SLC2A13: variants seen among roughly 807,000 people sequenced by gnomAD.
SLC2A13 encodes the protein solute carrier family 2 member 13, also known as proton myo-inositol cotransporter.
A neutral mutation model predicts 64.4 loss-of-function variants in SLC2A13; 32 were observed. The observed-to-expected ratio is 0.50, with a 90% CI of 0.37 to 0.67. The LOEUF (loss-of-function observed/expected upper bound fraction) is 0.67, where lower values mean the gene tolerates loss of function less well. Ranked by LOEUF, SLC2A13 falls within the 30% of genes least tolerant of loss-of-function variation. SLC2A13 has a pLI of 0.00. For missense variants in SLC2A13, 743 were observed against 829.2 expected, an observed-to-expected ratio of 0.90 and a Z score of 1.28; for synonymous variants, 338 against 327.1, an observed-to-expected ratio of 1.03 and a Z score of -0.36.
At chr12:40,104,799 A>T (rs1939249997) in intron 1 of SLC2A13, among the ~76,000 whole-genome samples, 1 of 152,202 alleles carries the variant, frequency 6.6e-6, no homozygotes. Context: ...TAACTTGACG[A>T]TGGTCTAGGT....
At chr12:40,043,125 T>C (rs1042454622) in intron 2 of SLC2A13, among the ~76,000 whole-genome samples, 1 of 152,120 alleles carries the variant, frequency 6.6e-6, no homozygotes. Flanking sequence ...AATTTTTTTT[T>C]CCCTGTAGGA....
intron 4 of SLC2A13, among the ~76,000 whole-genome samples, chr12:39,882,534 G>A (rs771491863): frequency 5.9e-5 from 9 of 152,066 alleles, no homozygotes; most frequent in Non-Finnish European, 7.4e-5. Context: ...TGAAATTTCC[G>A]AAGATGCACA....
chr12:40,090,466 G>C lies in SLC2A13; in HGVS notation c.556+14787C>G, dbSNP rs564903417. ...TATGTCTATAAATCATTTTGAGTTA[G>C]ATTAAGTAGCCAGATGTTCACTTAA... On this transcript the variant is annotated intron_variant, in intron 1 of 9. Transcript: ENST00000280871. Among the ~76,000 whole-genome samples, 7 of 152,258 alleles carry C rather than the reference G, an allele frequency of 4.6e-5. 1 individual carries two copies. The South Asian group carries it at 8.3e-4, about 18-fold the overall frequency.
intron 7 of SLC2A13, among the ~76,000 whole-genome samples, chr12:39,803,204 CAAAA>C (rs369226817): frequency 4.1e-5 from 3 of 73,732 alleles, no homozygotes; most frequent in Admixed American, 2.9e-4. Flanking sequence ...GAAGCAAATG[CAAAA>C]AAAAAAAAAA....
intron 3 of SLC2A13, among the ~76,000 whole-genome samples, chr12:40,006,077 A>G (rs928439666): frequency 6.6e-6 from 1 of 150,856 alleles, no homozygotes; most frequent in African/African-American, 2.4e-5. Flanking sequence ...AACATACTCA[A>G]CTTCCCACCA....
intron 2 of SLC2A13, among the ~76,000 whole-genome samples, chr12:40,040,298 C>T (rs750585227): frequency 1.6e-4 from 25 of 152,206 alleles, no homozygotes; most frequent in African/African-American, 4.6e-4. Flanking sequence ...TTAATTCATA[C>T]GCTGTGAAAG....
chr12:39,813,402 T>C lies in SLC2A13; in HGVS notation c.1445+16701A>G, dbSNP rs141646124. ...CAAACTTTCAACAACTGTAAACACA[T>C]GGCCAATGACATTTCATCTAAATTG... On this transcript the variant is annotated intron_variant, in intron 7 of 9. Transcript: ENST00000280871. 1.3e-3 allele frequency among the ~76,000 whole-genome samples: 191 copies of C among 152,238 alleles called. 1 individual carries two copies. The highest frequency in any genetic ancestry group is 4.3e-3 in the African/African-American group (180 of 41,548).
intron 3 of SLC2A13, among the ~76,000 whole-genome samples, chr12:39,972,509 C>A (rs1050701173): frequency 6.6e-6 from 1 of 152,140 alleles, no homozygotes; most frequent in Non-Finnish European, 1.5e-5. Context: ...CATCTGCCAT[C>A]CAAAATGTGA....
At chr12:39,801,262 T>C (rs1457085425) in intron 7 of SLC2A13, among the ~76,000 whole-genome samples, 2 of 145,846 alleles carry the variant, frequency 1.4e-5, no homozygotes, top group East Asian at 4.0e-4. Context: ...AAAAAATCAT[T>C]TATTAAAACA....
At chr12:39,958,344 T>G (rs1413398229) in intron 3 of SLC2A13, among the ~76,000 whole-genome samples, 1 of 151,036 alleles carries the variant, frequency 6.6e-6, no homozygotes, top group Non-Finnish European at 1.5e-5. Context: ...CAGACCAGTG[T>G]TAACATACCA....
Position 39,777,022 on chromosome 12 carries a change from TA to T in SLC2A13, c.1446-12165del, listed in dbSNP as rs551462935. ...ATAGTTGCTATGGGAGGTAATATAT[TA>T]ATACTTATTCCAACTATGCTGTACT... On this transcript the variant is annotated intron_variant, in intron 7 of 9. Transcript: ENST00000280871. 7.9e-5 allele frequency among the ~76,000 whole-genome samples: 12 copies of T among 152,354 alleles called. No homozygotes were observed. In the South Asian group the frequency reaches 2.3e-3, roughly 29 times the overall value.
At chr12:39,936,783 C>A (rs1182889474) in intron 4 of SLC2A13, among the ~76,000 whole-genome samples, 3 of 152,060 alleles carry the variant, frequency 2.0e-5, no homozygotes, top group African/African-American at 4.8e-5. Context: ...AGGGGAGGGG[C>A]AGAATTGGCA....
intron 3 of SLC2A13, among the ~76,000 whole-genome samples, chr12:39,988,142 T>C (rs1268902472): frequency 1.3e-5 from 2 of 152,160 alleles, no homozygotes; most frequent in African/African-American, 2.4e-5. Context: ...TTTTTTTAAA[T>C]AGATTCCCAG....
At chr12:39,936,472 T>G (rs1270533557) in intron 4 of SLC2A13, among the ~76,000 whole-genome samples, 1 of 152,242 alleles carries the variant, frequency 6.6e-6, no homozygotes. Context: ...CTCTCTAGTT[T>G]CTGATTTCAA....
At chr12:39,832,578 C>T (rs1942884949) in intron 6 of SLC2A13, among the ~76,000 whole-genome samples, 2 of 151,996 alleles carry the variant, frequency 1.3e-5, no homozygotes, top group South Asian at 4.2e-4. Context: ...ATTAAATGAT[C>T]TTCCTGTGAC....
chr12:39,994,275 C>T (rs1326930337), intron 3 of SLC2A13, among the ~76,000 whole-genome samples: 17 of 151,130 alleles, frequency 1.1e-4, no homozygotes, highest in South Asian at 8.4e-4. Flanking sequence ...CCCAGCTACT[C>T]GGCAGGCTGA....
At chr12:39,980,282 C>T (rs931736091) in intron 3 of SLC2A13, among the ~76,000 whole-genome samples, 1 of 151,410 alleles carries the variant, frequency 6.6e-6, no homozygotes, top group Non-Finnish European at 1.5e-5. Context: ...GCAAAATCAC[C>T]AGTTAACATC....
chr12:39,846,951 T>A (rs1203354157), intron 6 of SLC2A13, among the ~76,000 whole-genome samples: 1 of 152,178 alleles, frequency 6.6e-6, no homozygotes, highest in Non-Finnish European at 1.5e-5. Flanking sequence ...TTTGTTCAGA[T>A]CACTCATTTT....
rs767623790 is a variant in SLC2A13, at chr12:39,797,738, A to ACACATACGCG, written c.1445+32364_1445+32365insCGCGTATGTG. On this transcript the variant is annotated intron_variant, in intron 7 of 9. Transcript: ENST00000280871. Reference sequence around the variant, plus strand: ...AGCCAGTTATGGTAAACACACACACACACACACACACACACACACACACAC... The same window carrying ACACATACGCG: ...AGCCAGTTATGGTAAACACACACACACACATACGCGCACACACACACACACACACACACAC... 1.9e-4 allele frequency among the ~76,000 whole-genome samples: 10 copies of ACACATACGCG among 52,548 alleles called. 1 individual carries two copies. Among genetic ancestry groups the ACACATACGCG allele is most frequent in the African/African-American group, 3.6e-4 (6 of 16,510 alleles). 34.5% of individuals were successfully genotyped at this position (52,548 alleles called of 152,430 possible). A position where few individuals can be genotyped will look rare whatever the true frequency, so the allele number is the denominator to read the frequency against.
Sources: allele counts gnomAD v4.1 joint callset (sites outside exome capture counted in the v4.1 genomes callset), GRCh38; gene constraint gnomAD v4.1.1; transcripts MANE v1.5; gene names NCBI Gene and HGNC (gene_info 2026-07-23, HGNC 2026-07-21).